CNTN4: variants seen among roughly 807,000 people sequenced by gnomAD.
CNTN4 encodes the protein contactin-4.
Under a neutral mutation model 122.5 loss-of-function variants are expected in CNTN4, and 77 were observed. The observed-to-expected ratio is 0.63, with a 90% confidence interval of 0.52 to 0.76. The LOEUF is 0.76. Among genes scored for constraint, CNTN4 ranks in the 30% least tolerant of loss-of-function variants. The pLI is 0.00. For synonymous variants in CNTN4, 512 were observed against 447.0 expected, an observed-to-expected ratio of 1.15 and a Z score of -1.83; for missense variants, 1,256 against 1,259.1, an observed-to-expected ratio of 1.00 and a Z score of 0.04.
chr3:2,336,903 C>G (rs1227502555), intron 2 of CNTN4, among the ~76,000 whole-genome samples: 1 of 152,106 alleles, frequency 6.6e-6, no homozygotes, highest in Non-Finnish European at 1.5e-5. Context: ...GCCTCAAACT[C>G]TCAAGTGTTG....
At chr3:2,725,215 T>G (rs1359282758) in intron 4 of CNTN4, among the ~76,000 whole-genome samples, 1 of 152,156 alleles carries the variant, frequency 6.6e-6, no homozygotes, top group Non-Finnish European at 1.5e-5. Flanking sequence ...TAAAACAGCC[T>G]GATGTGGTTG....
rs575377937 is a variant in CNTN4, at chr3:2,277,108, G to T, written c.-144-62070G>T. Among the ~76,000 whole-genome samples the T allele has an allele frequency of 7.2e-5, 11 of 152,156 alleles. No individual in the cohort carries two copies. The East Asian group carries it at 2.1e-3, about 29-fold the overall frequency. The stretch of plus-strand genomic sequence containing the variant: ...ACCAAAAAAGCAAGAGAGGAGGAGG[G>T]AGATATGTGTTTTAGAACCCACACA... On this transcript the variant is annotated intron_variant, in intron 2 of 24. Transcript: ENST00000418658.
chr3:3,024,384 TAAAAAAA>T (rs55892513), intron 14 of CNTN4, among the ~76,000 whole-genome samples: 189 of 90,256 alleles, frequency 2.1e-3, no homozygotes, highest in African/African-American at 7.1e-3. Flanking sequence ...TTTTCCTCAT[TAAAAAAA>T]AAAAAAAAAA....
intron 3 of CNTN4, among the ~76,000 whole-genome samples, chr3:2,415,140 G>T (rs2047367053): frequency 6.6e-6 from 1 of 152,194 alleles, no homozygotes; most frequent in Non-Finnish European, 1.5e-5. Context: ...TTAAAAGAGT[G>T]CCAGGGAGTC....
intron 6 of CNTN4, among the ~76,000 whole-genome samples, chr3:2,810,539 T>TC (rs1264053342): frequency 6.6e-6 from 1 of 152,232 alleles, no homozygotes; most frequent in Non-Finnish European, 1.5e-5. Flanking sequence ...TTTGGCAGTC[T>TC]CCACACACCA....
chr3:2,612,513 G>A (rs970578726), intron 4 of CNTN4, among the ~76,000 whole-genome samples: 1 of 152,062 alleles, frequency 6.6e-6, no homozygotes, highest in Non-Finnish European at 1.5e-5. Context: ...AGTTGCTTTT[G>A]CAGCAGTTTT....
Position 2,281,953 on chromosome 3 carries a change from T to G in CNTN4, c.-144-57225T>G, listed in dbSNP as rs188298445. On this transcript the variant is annotated intron_variant, in intron 2 of 24. Coordinates refer to ENST00000418658, the MANE Select transcript of CNTN4 (RefSeq NM_175607.3). ...CTTTGAAATTTTAATAATCAGGTAA[T>G]GTCTAACATTTCACATTTTCTCCAA... 1.7e-3 allele frequency among the ~76,000 whole-genome samples: 252 copies of G among 152,268 alleles called. 1 individual carries two copies. The highest frequency in any genetic ancestry group is 5.9e-3 in the African/African-American group (246 of 41,578).
chr3:2,543,489 T>A (rs1413925338), intron 3 of CNTN4, among the ~76,000 whole-genome samples: 1 of 152,024 alleles, frequency 6.6e-6, no homozygotes, highest in Non-Finnish European at 1.5e-5. Context: ...GGGATAACAG[T>A]GTGTACGGGT....
At chr3:2,569,068 C>G (rs1238989320) in intron 3 of CNTN4, among the ~76,000 whole-genome samples, 1 of 152,166 alleles carries the variant, frequency 6.6e-6, no homozygotes, top group Non-Finnish European at 1.5e-5. Context: ...GCCTAATCAC[C>G]ATGCATGTCA....
chr3:3,056,213 G>C lies in CNTN4; in HGVS notation c.3074G>C (p.Ser1025Thr). 6.2e-7 allele frequency: 1 copy of C among 1,613,102 alleles called. No individual in the cohort carries two copies. Among genetic ancestry groups the C allele is most frequent in the Non-Finnish European group, 8.5e-7 (1 of 1,179,096 alleles). ...ATGATTTCCCTCACAGCTAGGTCCA[G>C]TTTATGACAAAAGTTATCTGAAGGA... ...TIMISLTARS[S>T]L The change falls in exon 25 of 25, where the codon AGT becomes ACT. Residue 1025 changes from serine to threonine, a missense_variant. Physicochemically the swap from Ser to Thr is moderately conservative, Grantham distance 58. Coordinates refer to ENST00000418658, the MANE Select transcript of CNTN4 (RefSeq NM_175607.3).
intron 3 of CNTN4, among the ~76,000 whole-genome samples, chr3:2,567,036 A>T (rs1183698072): frequency 1.3e-5 from 2 of 152,088 alleles, no homozygotes; most frequent in African/African-American, 4.8e-5. Context: ...TCCCTTCTTG[A>T]AAGTCATTCT....
intron 3 of CNTN4, among the ~76,000 whole-genome samples, chr3:2,499,531 A>T (rs1281259273): frequency 1.3e-5 from 2 of 152,108 alleles, no homozygotes; most frequent in South Asian, 2.1e-4. Flanking sequence ...TTATTTTTTT[A>T]AAACTTGGGT....
chr3:2,402,712 C>G (rs1026740468), intron 3 of CNTN4, among the ~76,000 whole-genome samples: 1 of 152,074 alleles, frequency 6.6e-6, no homozygotes, highest in African/African-American at 2.4e-5. Flanking sequence ...CTGATTTTAT[C>G]TAAGCCTCTC....
chr3:2,195,136 C>A (rs2037776840), intron 2 of CNTN4, among the ~76,000 whole-genome samples: 1 of 152,240 alleles, frequency 6.6e-6, no homozygotes, highest in Non-Finnish European at 1.5e-5. Context: ...GTGAGTTCAA[C>A]TTTTTTAGAT....
chr3:2,907,344 G>T (rs2094247194), intron 12 of CNTN4, among the ~76,000 whole-genome samples: 1 of 152,110 alleles, frequency 6.6e-6, no homozygotes, highest in Non-Finnish European at 1.5e-5. Context: ...AAGTCAAGGT[G>T]GGTGGATCAC....
At chr3:2,734,648 C>CTTTTTT (rs71058638) in intron 4 of CNTN4, among the ~76,000 whole-genome samples, 1 of 139,524 alleles carries the variant, frequency 7.2e-6, no homozygotes, top group Non-Finnish European at 1.5e-5. Flanking sequence ...GCATGAAGTG[C>CTTTTTT]TTTTTTTTTT....
chr3:2,563,066 T>A (rs1424235898), intron 3 of CNTN4, among the ~76,000 whole-genome samples: 1 of 152,152 alleles, frequency 6.6e-6, no homozygotes, highest in Non-Finnish European at 1.5e-5. Flanking sequence ...AGTAATGGAA[T>A]TTCTGGGTCA....
chr3:2,201,068 A>C (rs956941372), intron 2 of CNTN4, among the ~76,000 whole-genome samples: 3 of 152,186 alleles, frequency 2.0e-5, no homozygotes, highest in African/African-American at 7.2e-5. Flanking sequence ...CTAATTAAAG[A>C]AGCTGAAGGG....
At chr3:2,918,860 A>C (rs2094397263) in intron 12 of CNTN4, among the ~76,000 whole-genome samples, 1 of 152,206 alleles carries the variant, frequency 6.6e-6, no homozygotes. Flanking sequence ...CCCTATATGA[A>C]GGGGAGAAAG....
Sources: allele counts gnomAD v4.1 joint callset (sites outside exome capture counted in the v4.1 genomes callset), GRCh38; gene constraint gnomAD v4.1.1; transcripts MANE v1.5; gene names NCBI Gene and HGNC (gene_info 2026-07-23, HGNC 2026-07-21).